Variants in TMC3 observed in about 807,000 individuals in gnomAD.
The protein encoded by TMC3 is transmembrane channel-like protein 3.
In TMC3, 98 loss-of-function variants were observed where a neutral mutation model predicts 110.6. The observed-to-expected ratio is 0.89, with a 90% confidence interval of 0.75 to 1.05. TMC3 has a LOEUF of 1.05. TMC3 is among the 50% of genes least tolerant of loss of function. The pLI is 0.00. For synonymous variants in TMC3, 489 were observed against 513.1 expected (o/e 0.95, Z 0.63); for missense variants, 1,319 against 1,373.2 (o/e 0.96, Z 0.62).
intron 4 of TMC3, among the ~76,000 whole-genome samples, chr15:81,360,473 G>C (rs7168594): frequency 0.16 from 23,880 of 152,040 alleles, 3,590 homozygotes; most frequent in African/African-American, 0.4. Context: ...ATTTCCAACT[G>C]TTCACCAGGT....
intron 13 of TMC3, 123 bp downstream of exon 13, chr15:81,344,643 A>C: frequency 9.8e-7 from 1 of 1,024,380 alleles, no homozygotes; most frequent in Non-Finnish European, 1.4e-6. Context: ...AGGCTTGGAA[A>C]ATCATAAACC....
intron 11 of TMC3, among the ~76,000 whole-genome samples, chr15:81,347,036 C>A (rs893560902): frequency 6.6e-6 from 1 of 152,142 alleles, no homozygotes; most frequent in Admixed American, 6.5e-5. Context: ...GTGAATGGAA[C>A]CTGCCAGCAA....
chr15:81,344,385 G>C (rs1893780027), intron 13 of TMC3, among the ~76,000 whole-genome samples: 2 of 152,194 alleles, frequency 1.3e-5, no homozygotes, highest in South Asian at 4.1e-4. Context: ...TTGGGGTTGA[G>C]GTTCTCTGTA....
At chr15:81,350,725 A>C (rs1352225501) in intron 10 of TMC3, among the ~76,000 whole-genome samples, 1 of 152,214 alleles carries the variant, frequency 6.6e-6, no homozygotes, top group Non-Finnish European at 1.5e-5. Context: ...TTTTCATAGA[A>C]ATGGTCAGAG....
At chr15:81,358,071 G>A (rs1349941626) in intron 7 of TMC3, 78 bp downstream of exon 7, 1 of 1,428,180 alleles carries the variant, frequency 7.0e-7, no homozygotes, top group Non-Finnish European at 9.3e-7. Context: ...TTAAAAGAAT[G>A]ATGAAGCTGT....
chr15:81,345,077 G>A, intron 12 of TMC3, 66 bp from the exon 13 acceptor site: 2 of 1,523,518 alleles, frequency 1.3e-6, no homozygotes. Flanking sequence ...CCACATATTT[G>A]TAAATGAGAA....
In TMC3 at chr15:81,356,456, G is replaced by A; in HGVS notation, c.882C>T (p.Asn294=). The A allele has an allele frequency of 1.3e-6, 2 of 1,567,468 alleles. No individual in the cohort carries two copies. The highest frequency in any genetic ancestry group is 1.7e-6 in the Non-Finnish European group (2 of 1,155,878). ...AGGCTCACTCACTCACCCTGATGCTGTTCACTATGGCAGCTGTTTTGCTCT... is the reference window on the plus strand; with the variant it reads ...AGGCTCACTCACTCACCCTGATGCTATTCACTATGGCAGCTGTTTTGCTCT... ...AAESKTAAIV[N]SIREAILEEQ... Residue 294 remains asparagine (N), a synonymous_variant, in exon 8 of 22, where the codon AAC becomes AAT. Coordinates refer to ENST00000359440, the MANE Select transcript of TMC3 (RefSeq NM_001080532.3).
chr15:81,362,075 T>C (rs2141720320), intron 4 of TMC3, 145 bp downstream of exon 4: 2 of 632,462 alleles, frequency 3.2e-6, no homozygotes, highest in East Asian at 6.1e-5. Context: ...TCTGGGTCTG[T>C]TGTTCCATAT....
rs779123359 is a variant in TMC3, at chr15:81,332,926, G to A, written c.2796C>T (p.Val932=). The A allele has an allele frequency of 3.7e-6, 6 of 1,612,490 alleles. No individual in the cohort carries two copies. Among genetic ancestry groups the A allele is most frequent in the African/African-American group, 1.3e-5 (1 of 74,904 alleles). The part of the protein sequence containing the change: ...PRNVRQYASR[V]PRQPPSPQLS... Reference sequence around the variant, plus strand: ...GCTGTGGGGAGGGAGGCTGGCGGGGGACCCGGGATGCATATTGTCGCACGT... The same window carrying A: ...GCTGTGGGGAGGGAGGCTGGCGGGGAACCCGGGATGCATATTGTCGCACGT... Residue 932 remains valine (V), a synonymous_variant, in exon 22 of 22, where the codon GTC becomes GTT. Transcript: ENST00000359440.
intron 12 of TMC3, 90 bp downstream of exon 12, chr15:81,346,275 G>T: frequency 8.6e-7 from 1 of 1,159,096 alleles, no homozygotes; most frequent in South Asian, 1.3e-5. Flanking sequence ...TATAAGCAGT[G>T]ATCCTGTCCA....
intron 20 of TMC3, among the ~76,000 whole-genome samples, chr15:81,335,228 C>T (rs867309955): frequency 5.9e-5 from 9 of 152,196 alleles, no homozygotes; most frequent in African/African-American, 1.9e-4. Flanking sequence ...TCTGATGCTC[C>T]CATGAGGCAA....
chr15:81,341,604 T>C, intron 15 of TMC3, 86 bp from the exon 16 acceptor site: 1 of 1,452,028 alleles, frequency 6.9e-7, no homozygotes, highest in Non-Finnish European at 9.3e-7. Flanking sequence ...GGAACATGGT[T>C]CTGACACTTT....
chr15:81,363,455 T>G (rs1894236317), intron 3 of TMC3, among the ~76,000 whole-genome samples: 1 of 152,162 alleles, frequency 6.6e-6, no homozygotes, highest in African/African-American at 2.4e-5. Context: ...GGATTACAAA[T>G]GTAATTATGA....
chr15:81,344,112 GTGCTCC>G, intron 13 of TMC3, 67 bp from the exon 14 acceptor site: 1 of 1,548,526 alleles, frequency 6.5e-7, no homozygotes. Context: ...TTCCTTCAGG[GTGCTCC>G]TAATCTCTGT....
rs774165866 is a variant in TMC3 at position 81,333,255 on chromosome 15, G to C, written c.2467C>G (p.His823Asp). 6.2e-7 allele frequency: 1 copy of C among 1,605,694 alleles called. No homozygotes were observed. The highest frequency in any genetic ancestry group is 8.5e-7 in the Non-Finnish European group (1 of 1,174,502). The change falls in exon 22 of 22, where the codon CAC becomes GAC. Residue 823 changes from histidine (H) to aspartate (D), a missense_variant. His to Asp is a moderately conservative substitution (Grantham distance 81). Transcript: ENST00000359440. Reference protein sequence around the residue: ...RLEHETNRYLHGLCASTSDLH... With the variant: ...RLEHETNRYLDGLCASTSDLH... ...TCACTGGTGCTTGCACACAGACCGT[G>C]CAGATACCTGTAAGACAGGGGCGGT...
chr15:81,354,859 G>T (rs1054994396), intron 9 of TMC3, among the ~76,000 whole-genome samples: 4 of 143,968 alleles, frequency 2.8e-5, no homozygotes, highest in African/African-American at 1.2e-4. Flanking sequence ...ACATGGCACA[G>T]TATGTTGTTA....
Position 81,359,450 on chromosome 15 carries a change from G to T in TMC3, c.416C>A (p.Ala139Asp). 6.3e-7 allele frequency: 1 copy of T among 1,598,048 alleles called. No individual in the cohort carries two copies. The highest frequency in any genetic ancestry group is 8.5e-7 in the Non-Finnish European group (1 of 1,173,488). Residue 139 changes from alanine to aspartate, a missense_variant, in exon 5 of 22, where the codon GCC (alanine) becomes GAC (aspartate). Coordinates refer to ENST00000359440, the MANE Select transcript of TMC3 (RefSeq NM_001080532.3). ...KIESHFGSGV[A>D]SYFIFLRWLF... ...CCATCTCAAGAATATGAAATAGGAG[G>T]CAACGCCAGATCCAAAATGACCTAA...
chr15:81,343,120 T>A (rs1036208029), intron 15 of TMC3, 158 bp downstream of exon 15: 3 of 493,768 alleles, frequency 6.1e-6, no homozygotes, highest in African/African-American at 5.8e-5. Flanking sequence ...AGGAAACCAT[T>A]AATAAAAGTA....
At chr15:81,347,847 G>C (rs1893858627) in intron 11 of TMC3, among the ~76,000 whole-genome samples, 1 of 152,200 alleles carries the variant, frequency 6.6e-6, no homozygotes, top group South Asian at 2.1e-4. Context: ...CTCTGTTGCA[G>C]GTCAAAAGAC....
Sources: gnomAD v4.1 joint callset for allele counts (sites outside exome capture counted in the v4.1 genomes callset) on GRCh38, gnomAD v4.1.1 for gene constraint, MANE v1.5 for transcripts, NCBI Gene and HGNC (gene_info 2026-07-23, HGNC 2026-07-21) for gene names.